MAD1L1: variants seen among roughly 807,000 people sequenced by gnomAD.
The protein encoded by MAD1L1 is mitotic arrest deficient 1 like 1, also known as mitotic spindle assembly checkpoint protein MAD1.
In MAD1L1, 95 loss-of-function variants were observed where a neutral mutation model predicts 96.9. That is an observed-to-expected ratio of 0.98 (90% CI 0.83 to 1.16). MAD1L1 has a LOEUF of 1.16. Among genes scored for constraint, MAD1L1 ranks in the 50% most tolerant of loss-of-function variants. The pLI, the probability that MAD1L1 is intolerant of heterozygous loss-of-function variation, is 0.00. For missense variants in MAD1L1, 1,007 were observed against 954.4 expected (o/e 1.06, Z -0.73); for synonymous variants, 473 against 396.6 (o/e 1.19, Z -2.29).
At chr7:2,198,238 G>A (rs1792095828) in intron 10 of MAD1L1, among the ~76,000 whole-genome samples, 1 of 152,150 alleles carries the variant, frequency 6.6e-6, no homozygotes, top group African/African-American at 2.4e-5. Context: ...TTACAGGTGT[G>A]AGCCAAGGCA....
intron 17 of MAD1L1, among the ~76,000 whole-genome samples, chr7:1,932,716 G>C (rs887604563): frequency 1.3e-5 from 2 of 152,254 alleles, no homozygotes; most frequent in African/African-American, 4.8e-5. Flanking sequence ...AGCCCAGTCT[G>C]AGCCTCTCCC....
chr7:2,229,184 G>C (rs1373635363), intron 3 of MAD1L1, among the ~76,000 whole-genome samples: 1 of 152,224 alleles, frequency 6.6e-6, no homozygotes, highest in Non-Finnish European at 1.5e-5. Context: ...CAGAACTACA[G>C]AACGGCTCTG....
intron 16 of MAD1L1, among the ~76,000 whole-genome samples, chr7:1,952,526 G>T (rs1224022424): frequency 6.6e-6 from 1 of 152,208 alleles, no homozygotes; most frequent in Non-Finnish European, 1.5e-5. Flanking sequence ...AGAACATCCG[G>T]GCTGTGGCTC....
chr7:1,943,961 T>C (rs1210909818), intron 16 of MAD1L1, among the ~76,000 whole-genome samples: 3 of 151,738 alleles, frequency 2.0e-5, no homozygotes, highest in African/African-American at 7.3e-5. Flanking sequence ...CACAGTGGGG[T>C]GTTTCAGCCA....
intron 11 of MAD1L1, among the ~76,000 whole-genome samples, chr7:2,121,176 G>A (rs1299521817): frequency 6.6e-6 from 1 of 152,248 alleles, no homozygotes; most frequent in African/African-American, 2.4e-5. Flanking sequence ...CTTCCCGCCT[G>A]AGGCCTCACG....
At chr7:2,106,143 C>A (rs532570354) in intron 11 of MAD1L1, among the ~76,000 whole-genome samples, 43 of 151,562 alleles carry the variant, frequency 2.8e-4, no homozygotes, top group Non-Finnish European at 5.0e-4. Context: ...CCGCCTCCCA[C>A]CCCCAGCACA....
intron 13 of MAD1L1, among the ~76,000 whole-genome samples, chr7:2,009,869 G>T (rs2128495941): frequency 6.6e-6 from 1 of 152,236 alleles, no homozygotes; most frequent in Middle Eastern, 3.4e-3. Context: ...TGCTGCCGGG[G>T]GTGGCACCGG....
Position 1,953,778 on chromosome 7 carries a change from GA to G in MAD1L1, c.1596+3850del, listed in dbSNP as rs1779606401. ...CTTTAAATGTTCATCATCAAATGCT[GA>G]AAAAACCCAACAGGGTTGAGTCTGA... is the stretch of plus-strand genomic sequence containing the variant. On this transcript the variant is annotated intron_variant, in intron 16 of 18. Coordinates refer to ENST00000265854, the MANE Select transcript of MAD1L1 (RefSeq NM_001013836.2). 2.0e-5 allele frequency among the ~76,000 whole-genome samples: 3 copies of G among 152,348 alleles called. No individual in the cohort carries two copies. In the South Asian group the frequency reaches 6.2e-4, roughly 32 times the overall value.
intron 6 of MAD1L1, 87 bp from the exon 7 acceptor site, chr7:2,218,130 G>T: frequency 1.0e-6 from 1 of 994,136 alleles, no homozygotes; most frequent in East Asian, 2.4e-5. Flanking sequence ...CCCCAGCACA[G>T]ACCCACATAC....
intron 17 of MAD1L1, among the ~76,000 whole-genome samples, chr7:1,906,344 T>C (rs1339393478): frequency 2.0e-5 from 3 of 152,194 alleles, no homozygotes; most frequent in African/African-American, 7.2e-5. Flanking sequence ...ACAGCAAGAC[T>C]TGAGCTGAGG....
At chr7:2,180,054 G>C (rs1791127420) in intron 10 of MAD1L1, among the ~76,000 whole-genome samples, 1 of 152,166 alleles carries the variant, frequency 6.6e-6, no homozygotes, top group Non-Finnish European at 1.5e-5. Flanking sequence ...AACTTGGTTG[G>C]GGAATGAGTC....
At chr7:2,014,946 G>A (rs560231707) in intron 12 of MAD1L1, among the ~76,000 whole-genome samples, 38 of 152,224 alleles carry the variant, frequency 2.5e-4, no homozygotes, top group Admixed American at 5.2e-4. Context: ...CTATGGGGTC[G>A]GCTGGGAGCA....
intron 15 of MAD1L1, among the ~76,000 whole-genome samples, chr7:1,970,110 G>A (rs1238534257): frequency 1.3e-5 from 2 of 152,172 alleles, no homozygotes; most frequent in South Asian, 2.1e-4. Flanking sequence ...TCAAAAGACT[G>A]CATGTTGTAG....
At chr7:1,895,836 C>A (rs575351958) in intron 18 of MAD1L1, among the ~76,000 whole-genome samples, 1 of 152,264 alleles carries the variant, frequency 6.6e-6, no homozygotes, top group African/African-American at 2.4e-5. Context: ...TGGGCCAGGA[C>A]AGGCCGTGGT....
intron 16 of MAD1L1, among the ~76,000 whole-genome samples, chr7:1,944,880 G>C (rs1338431153): frequency 6.6e-6 from 1 of 152,214 alleles, no homozygotes; most frequent in Non-Finnish European, 1.5e-5. Context: ...TGGGGACAAA[G>C]ACCCCTGTGA....
chr7:1,852,018 C>T (rs1228092208), intron 18 of MAD1L1, among the ~76,000 whole-genome samples: 2 of 152,216 alleles, frequency 1.3e-5, no homozygotes, highest in Non-Finnish European at 2.9e-5. Context: ...GGAACCTTCA[C>T]TGGTGCCCAC....
intron 11 of MAD1L1, among the ~76,000 whole-genome samples, chr7:2,147,360 C>T (rs6949317): frequency 0.033 from 5,014 of 152,290 alleles, 291 homozygotes; most frequent in African/African-American, 0.11. Flanking sequence ...CTCCTGGCGA[C>T]GGGTGACCAG....
chr7:2,118,029 G>T (rs73035498), intron 11 of MAD1L1, among the ~76,000 whole-genome samples: 3,855 of 152,290 alleles, frequency 0.025, 83 homozygotes, highest in Middle Eastern at 0.051. Flanking sequence ...CATGGGGCAG[G>T]ACAGGAGAGG....
intron 14 of MAD1L1, among the ~76,000 whole-genome samples, chr7:1,996,194 T>TC (rs148617554): frequency 0.03 from 1,165 of 39,262 alleles, 175 homozygotes; most frequent in Middle Eastern, 0.062. Context: ...GCGGGCAGGG[T>TC]CCCCCCGGGT....
Sources: gnomAD v4.1 joint callset for allele counts (sites outside exome capture counted in the v4.1 genomes callset) on GRCh38, gnomAD v4.1.1 for gene constraint, MANE v1.5 for transcripts, NCBI Gene and HGNC (gene_info 2026-07-23, HGNC 2026-07-21) for gene names.